Variants in SBF2 observed in about 807,000 individuals in gnomAD.
The protein encoded by SBF2 is SET binding factor 2.
Under a neutral mutation model 225.2 loss-of-function variants are expected in SBF2, and 112 were observed. The ratio of observed to expected loss-of-function variants is 0.50; its 90% CI spans 0.43 to 0.58. The LOEUF (loss-of-function observed/expected upper bound fraction) is 0.58. SBF2 is among the 20% of genes least tolerant of loss of function. SBF2 has a pLI of 0.00. For missense variants in SBF2, 1,996 were observed against 2,206.2 expected, an observed-to-expected ratio of 0.90 and a Z score of 1.91; for synonymous variants, 763 against 773.3, an observed-to-expected ratio of 0.99 and a Z score of 0.22.
rs928643299 is a variant in SBF2, at chr11:9,988,712, T to C, written c.1395+785A>G. Reference sequence around the variant, plus strand: ...TCAAAGCCACAGCGCGATACCATCTTACTTCTGCAAGAATGGCCATAATCA... The same window carrying C: ...TCAAAGCCACAGCGCGATACCATCTCACTTCTGCAAGAATGGCCATAATCA... On this transcript the variant is annotated intron_variant, in intron 13 of 39. Transcript: ENST00000256190. Among the ~76,000 whole-genome samples the C allele has an allele frequency of 3.9e-5, 6 of 152,148 alleles. No individual in the cohort carries two copies. The East Asian group carries it at 9.6e-4, about 24-fold the overall frequency.
At chr11:10,102,582 A>G (rs1356216506) in intron 2 of SBF2, among the ~76,000 whole-genome samples, 1 of 152,210 alleles carries the variant, frequency 6.6e-6, no homozygotes, top group African/African-American at 2.4e-5. Context: ...TCTCAACCTA[A>G]AAGAGTAATG....
At chr11:10,055,788 T>C (rs2134733730) in intron 2 of SBF2, among the ~76,000 whole-genome samples, 1 of 152,196 alleles carries the variant, frequency 6.6e-6, no homozygotes, top group South Asian at 2.1e-4. Flanking sequence ...ATGGGGAAGG[T>C]AGATGGGGTA....
At chr11:9,876,098 C>T (rs1227434557) in intron 17 of SBF2, among the ~76,000 whole-genome samples, 1 of 152,132 alleles carries the variant, frequency 6.6e-6, no homozygotes, top group Non-Finnish European at 1.5e-5. Flanking sequence ...CTGGTCACAT[C>T]CTCCCTTTCT....
intron 38 of SBF2, 57 bp downstream of exon 38, chr11:9,784,294 C>G: frequency 1.6e-6 from 2 of 1,276,740 alleles, no homozygotes; most frequent in Non-Finnish European, 2.3e-6. Context: ...CACATAATAG[C>G]CAGGGACTGG....
chr11:9,966,963 A>G (rs1337133778), intron 14 of SBF2, among the ~76,000 whole-genome samples: 1 of 152,232 alleles, frequency 6.6e-6, no homozygotes, highest in Non-Finnish European at 1.5e-5. Flanking sequence ...ATAAATGTTC[A>G]CAGCAGCATT....
intron 17 of SBF2, among the ~76,000 whole-genome samples, chr11:9,881,911 C>A (rs1859793451): frequency 6.6e-6 from 1 of 152,034 alleles, no homozygotes; most frequent in African/African-American, 2.4e-5. Context: ...TCCCTTGAGA[C>A]CAGGAGTTTG....
intron 2 of SBF2, among the ~76,000 whole-genome samples, chr11:10,101,504 C>A (rs563951723): frequency 6.6e-6 from 1 of 152,068 alleles, no homozygotes; most frequent in Non-Finnish European, 1.5e-5. Context: ...AGTGGCTTGA[C>A]CCCCACAGCT....
chr11:10,142,191 TA>T (rs1431272139), intron 2 of SBF2, among the ~76,000 whole-genome samples: 1 of 152,210 alleles, frequency 6.6e-6, no homozygotes, highest in Non-Finnish European at 1.5e-5. Flanking sequence ...TAACCAGTAC[TA>T]TAACCTGAAA....
At chr11:10,295,652 ATCATCCAACT>A (rs1276632197), upstream of SBF2, among the ~76,000 whole-genome samples, 2 of 151,784 alleles carry the variant, frequency 1.3e-5, no homozygotes, top group African/African-American at 4.8e-5. Flanking sequence ...CTGAGAGCTC[ATCATCCAACT>A]TGATCACTTT....
In SBF2 at chr11:9,856,666, C is replaced by T. The variant is rs149162783; in HGVS notation, c.2155G>A (p.Glu719Lys). ...AGGGTAGGCCAAAGGCGTAGTTGCTCAGCTGCCAGGTCCATTGCTGTCTTC... is the reference window on the plus strand; with the variant it reads ...AGGGTAGGCCAAAGGCGTAGTTGCTTAGCTGCCAGGTCCATTGCTGTCTTC... ...QEKTAMDLAAEQLRLWPTLSK... is the reference protein window; with the variant it reads ...QEKTAMDLAAKQLRLWPTLSK... Residue 719 changes from glutamate (E) to lysine (K), a missense_variant, in exon 19 of 40, where the codon GAG (glutamate) becomes AAG (lysine). Transcript: ENST00000256190. 5 of 1,614,032 alleles carry T rather than the reference C, an allele frequency of 3.1e-6. No individual in the cohort carries two copies. Among genetic ancestry groups the T allele is most frequent in the Non-Finnish European group, 4.2e-6 (5 of 1,180,034 alleles).
At chr11:9,889,116 C>G (rs1295409390) in intron 17 of SBF2, among the ~76,000 whole-genome samples, 1 of 152,098 alleles carries the variant, frequency 6.6e-6, no homozygotes, top group South Asian at 2.1e-4. Flanking sequence ...TGGGGGAATA[C>G]CTAGAGTCTG....
intron 28 of SBF2, among the ~76,000 whole-genome samples, chr11:9,827,786 T>C (rs1385294755): frequency 1.3e-5 from 2 of 152,216 alleles, no homozygotes; most frequent in Admixed American, 1.3e-4. Flanking sequence ...TCTCCTTAAC[T>C]ATCTATACTT....
At position 9,811,055 on chromosome 11, in the gene SBF2, T is replaced by G. The variant is rs149129633; in HGVS notation, c.4155+1477A>C. On this transcript the variant is annotated intron_variant, in intron 30 of 39. Transcript: ENST00000256190. Reference sequence around the variant, plus strand: ...CATAAAAAGAATGAGCTTATGTCCTTTGCAGTAACACAGCTGAAGCAAACT... The same window carrying G: ...CATAAAAAGAATGAGCTTATGTCCTGTGCAGTAACACAGCTGAAGCAAACT... 37 of 152,328 alleles carry G rather than the reference T, an allele frequency of 2.4e-4. 1 individual carries two copies. The highest frequency in any genetic ancestry group is 7.7e-4 in the African/African-American group (32 of 41,552). The allele number at this position is 152,328 out of a possible 1,614,324, so 9.4% of individuals were successfully genotyped here.
At chr11:10,112,610 C>T (rs931021550) in intron 2 of SBF2, among the ~76,000 whole-genome samples, 2 of 152,168 alleles carry the variant, frequency 1.3e-5, no homozygotes, top group African/African-American at 4.8e-5. Context: ...ACAATGCAAC[C>T]TTTAATAAGT....
chr11:9,869,351 C>T (rs1450253157), intron 17 of SBF2, among the ~76,000 whole-genome samples: 3 of 151,936 alleles, frequency 2.0e-5, no homozygotes, highest in Non-Finnish European at 4.4e-5. Context: ...CAGAGTCTTG[C>T]TTAGTTACCC....
intron 12 of SBF2, among the ~76,000 whole-genome samples, chr11:9,992,006 T>C (rs558984168): frequency 6.6e-6 from 1 of 152,284 alleles, no homozygotes; most frequent in African/African-American, 2.4e-5. Flanking sequence ...ATTTATACAA[T>C]CACTATTAAA....
chr11:9,795,168 C>T (rs373845279), intron 33 of SBF2, among the ~76,000 whole-genome samples: 10 of 152,328 alleles, frequency 6.6e-5, no homozygotes, highest in African/African-American at 2.4e-4. Context: ...AGAATCTACT[C>T]ATTACAACTA....
intron 16 of SBF2, among the ~76,000 whole-genome samples, chr11:9,912,249 T>C (rs1590415033): frequency 7.2e-6 from 1 of 138,180 alleles, no homozygotes; most frequent in East Asian, 2.1e-4. Flanking sequence ...GATGCGGAGG[T>C]TGCAGTGAGC....
chr11:10,175,523 C>A (rs1327745850), intron 2 of SBF2, among the ~76,000 whole-genome samples: 2 of 150,900 alleles, frequency 1.3e-5, no homozygotes, highest in African/African-American at 2.4e-5. Context: ...AAGTCCTGAG[C>A]GACCTACAAA....
Sources: gnomAD v4.1 joint callset for allele counts (sites outside exome capture counted in the v4.1 genomes callset) on GRCh38, gnomAD v4.1.1 for gene constraint, MANE v1.5 for transcripts, NCBI Gene and HGNC (gene_info 2026-07-23, HGNC 2026-07-21) for gene names.